Variants in LTBP2 observed in about 807,000 individuals in gnomAD.
LTBP2 encodes the protein latent transforming growth factor beta binding protein 2, also known as latent-transforming growth factor beta-binding protein 2.
Under a neutral mutation model 210.6 loss-of-function variants are expected in LTBP2, and 103 were observed. The ratio of observed to expected loss-of-function variants is 0.49; its 90% CI spans 0.42 to 0.58. The LOEUF is 0.58. LTBP2 is among the 20% of genes least tolerant of loss of function. The pLI is 0.00. For synonymous variants in LTBP2, 1,007 were observed against 1,015.0 expected (o/e 0.99, Z 0.15); for missense variants, 2,313 against 2,494.5 (o/e 0.93, Z 1.55).
chr14:74,600,574 C>G (rs575131150), intron 2 of LTBP2, among the ~76,000 whole-genome samples: 1 of 152,250 alleles, frequency 6.6e-6, no homozygotes, highest in East Asian at 1.9e-4. Context: ...AGTTAGGAAA[C>G]CGAGAACCTC....
intron 3 of LTBP2, among the ~76,000 whole-genome samples, chr14:74,559,420 AG>A (rs1485333112): frequency 1.3e-5 from 2 of 152,104 alleles, no homozygotes; most frequent in Non-Finnish European, 2.9e-5. Context: ...AGAAGCTCCC[AG>A]GTTTTTTTAT....
intron 2 of LTBP2, among the ~76,000 whole-genome samples, chr14:74,588,017 C>T (rs991054420): frequency 2.0e-5 from 3 of 152,204 alleles, no homozygotes; most frequent in Non-Finnish European, 4.4e-5. Flanking sequence ...TCTGTCTTTG[C>T]ATGTGCTATG....
chr14:74,539,006 T>C (rs1300389795), intron 8 of LTBP2, among the ~76,000 whole-genome samples: 1 of 152,180 alleles, frequency 6.6e-6, no homozygotes, highest in Non-Finnish European at 1.5e-5. Flanking sequence ...GCAGGCTGAT[T>C]AGATGCAGCC....
chr14:74,575,449 G>GGTCTAGTATCACCACATA (rs2088045628), intron 3 of LTBP2, among the ~76,000 whole-genome samples: 1 of 152,230 alleles, frequency 6.6e-6, no homozygotes, highest in Non-Finnish European at 1.5e-5. Flanking sequence ...ACCACATACA[G>GGTCTAGTATCACCACATA]CTGCACAGGC....
At chr14:74,540,979 C>T (rs2087501082) in intron 8 of LTBP2, among the ~76,000 whole-genome samples, 1 of 139,960 alleles carries the variant, frequency 7.1e-6, no homozygotes, top group Non-Finnish European at 1.5e-5. Context: ...CAGGTTAAAT[C>T]TCCTTGGGAG....
At chr14:74,522,136 G>A (rs1196866337) in intron 16 of LTBP2, 97 bp from the exon 17 acceptor site, 5 of 1,400,620 alleles carry the variant, frequency 3.6e-6, no homozygotes, top group East Asian at 2.5e-5. Context: ...GCTGGGCAGG[G>A]GATGGTGCTG....
At position 74,506,790 on chromosome 14, in the gene LTBP2, C is replaced by T; in HGVS notation, c.3941G>A (p.Gly1314Asp). ...AGTGTTGTCACAGAAGCCGTGGCTG[C>T]CACACATGGTGTCGTTGGCGCACTC... ...IDECANDTMC[G>D]SHGFCDNTDG... is the part of the protein sequence containing the mutation. The change falls in exon 27 of 36, where the codon GGC (glycine) becomes GAC (aspartate). Residue 1314 changes from glycine (G) to aspartate (D), a missense_variant. By Grantham distance (94) the Gly-to-Asp change is moderately conservative. Transcript: ENST00000261978. The T allele has an allele frequency of 6.2e-7, 1 of 1,614,036 alleles. No individual in the cohort carries two copies. The highest frequency in any genetic ancestry group is 8.5e-7 in the Non-Finnish European group (1 of 1,180,022).
rs1014867440 is a variant in LTBP2 at position 74,612,191 on chromosome 14, C to T, written c.-247G>A. 1.6e-5 allele frequency: 8 copies of T among 491,066 alleles called. No individual in the cohort carries two copies. In the East Asian group the frequency reaches 2.1e-4, roughly 13 times the overall value. The allele number at this position is 491,066 out of a possible 1,614,324, so 30.4% of individuals were successfully genotyped here. On this transcript the variant is annotated 5_prime_UTR_variant, in exon 1 of 36. Transcript: ENST00000261978. ...GCTGCTGCACCTTCGCGCCTCCTCC[C>T]TGTGCCTGCAGCCGTCTGAAGGGGA...
At chr14:74,519,626 A>G (rs2087176837) in intron 17 of LTBP2, among the ~76,000 whole-genome samples, 2 of 152,170 alleles carry the variant, frequency 1.3e-5, no homozygotes, top group East Asian at 3.9e-4. Flanking sequence ...AGTGGGTGTT[A>G]TTCTGGACAA....
intron 3 of LTBP2, among the ~76,000 whole-genome samples, chr14:74,567,362 C>T (rs1045768768): frequency 6.6e-6 from 1 of 152,224 alleles, no homozygotes; most frequent in African/African-American, 2.4e-5. Context: ...CGAGATCCTG[C>T]GCGGCCTTTG....
At chr14:74,595,129 G>A (rs895867535) in intron 2 of LTBP2, among the ~76,000 whole-genome samples, 4 of 152,268 alleles carry the variant, frequency 2.6e-5, no homozygotes, top group Admixed American at 1.3e-4. Context: ...CAGACCAAGC[G>A]GGCCTCTACC....
chr14:74,602,662 C>T (rs1439653679), intron 2 of LTBP2, among the ~76,000 whole-genome samples: 1 of 152,220 alleles, frequency 6.6e-6, no homozygotes, highest in East Asian at 1.9e-4. Flanking sequence ...AAGGTACTGG[C>T]TCTTGTTGTT....
chr14:74,537,849 G>A (rs1459816464), intron 8 of LTBP2, among the ~76,000 whole-genome samples: 4 of 152,068 alleles, frequency 2.6e-5, no homozygotes, highest in Non-Finnish European at 5.9e-5. Context: ...CCACTTCCTG[G>A]GTTCAAGTAA....
chr14:74,597,112 AGAG>A (rs1266348614), intron 2 of LTBP2, among the ~76,000 whole-genome samples: 1 of 152,232 alleles, frequency 6.6e-6, no homozygotes, highest in Non-Finnish European at 1.5e-5. Context: ...AGTAGTGAGC[AGAG>A]GAGAAGCAGC....
intron 13 of LTBP2, among the ~76,000 whole-genome samples, chr14:74,526,330 T>A (rs1465607041): frequency 6.6e-6 from 1 of 152,256 alleles, no homozygotes; most frequent in Non-Finnish European, 1.5e-5. Context: ...TATCTTATGA[T>A]GGGAGGTTGA....
At chr14:74,509,900 C>G in intron 20 of LTBP2, 41 bp from the exon 21 acceptor site, 1 of 1,613,878 alleles carries the variant, frequency 6.2e-7, no homozygotes. Flanking sequence ...CTCTGCAGGA[C>G]AGACAGGCCA....
At chr14:74,602,641 T>A (rs2088464513) in intron 2 of LTBP2, among the ~76,000 whole-genome samples, 1 of 152,252 alleles carries the variant, frequency 6.6e-6, no homozygotes, top group South Asian at 2.1e-4. Context: ...CTGCACAAAG[T>A]GAGTGCTATG....
intron 8 of LTBP2, among the ~76,000 whole-genome samples, chr14:74,542,708 C>T (rs1310200188): frequency 1.3e-5 from 2 of 152,038 alleles, no homozygotes; most frequent in African/African-American, 4.8e-5. Context: ...CACATCTAAT[C>T]CCAGGCTCCA....
intron 33 of LTBP2, 29 bp downstream of exon 33, chr14:74,503,190 T>G: frequency 6.2e-7 from 1 of 1,612,642 alleles, no homozygotes; most frequent in Non-Finnish European, 8.5e-7. Flanking sequence ...GGCCCAGCCC[T>G]GCAGGGTATC....
Sources: allele counts gnomAD v4.1 joint callset (sites outside exome capture counted in the v4.1 genomes callset), GRCh38; gene constraint gnomAD v4.1.1; transcripts MANE v1.5; gene names NCBI Gene and HGNC (gene_info 2026-07-23, HGNC 2026-07-21).